Variants in KIF26B observed in about 807,000 individuals in gnomAD.
KIF26B encodes kinesin-like protein KIF26B.
In KIF26B, 63 loss-of-function variants were observed where a neutral mutation model predicts 151.2. That is an observed-to-expected ratio of 0.42 (90% CI 0.34 to 0.51). KIF26B has a LOEUF of 0.51. KIF26B is among the 20% of genes least tolerant of loss of function. KIF26B has a pLI of 0.07. For missense variants in KIF26B, 2,813 were observed against 2,913.6 expected (o/e 0.97, Z 0.79); for synonymous variants, 1,357 against 1,262.1 (o/e 1.08, Z -1.59).
chr1:245,420,054 G>A (rs1387282039), intron 4 of KIF26B, among the ~76,000 whole-genome samples: 1 of 152,142 alleles, frequency 6.6e-6, no homozygotes, highest in Non-Finnish European at 1.5e-5. Context: ...CCCCAGGGTC[G>A]AGAGTCGCTG....
At chr1:245,701,818 T>TCCTCCTCGTA (rs2044776132) in intron 14 of KIF26B, among the ~76,000 whole-genome samples, 1 of 152,110 alleles carries the variant, frequency 6.6e-6, no homozygotes, top group African/African-American at 2.4e-5. Flanking sequence ...TCCACGCCTC[T>TCCTCCTCGTA]CCTCCTCGTA....
At chr1:245,542,906 G>A (rs1256448124) in intron 5 of KIF26B, among the ~76,000 whole-genome samples, 1 of 152,146 alleles carries the variant, frequency 6.6e-6, no homozygotes, top group African/African-American at 2.4e-5. Context: ...TTCCCCTCCT[G>A]TACTCTAAGC....
chr1:245,601,176 C>T lies in KIF26B; in HGVS notation c.1351-1401C>T, dbSNP rs2043392115. Reference sequence around the variant, plus strand: ...AGGTAGAGTGCGTCCCACACTCGGGCTCCTTCTACTGGGACACTGGCTTCC... The same window carrying T: ...AGGTAGAGTGCGTCCCACACTCGGGTTCCTTCTACTGGGACACTGGCTTCC... On this transcript the variant is annotated intron_variant, in intron 5 of 14. Transcript: ENST00000407071. This position sits in a 1 kb window ranked among gnomAD's most constrained non-coding sequence, Gnocchi z 4.4. 1.3e-5 allele frequency among the ~76,000 whole-genome samples: 2 copies of T among 152,196 alleles called. No individual in the cohort carries two copies. The highest frequency in any genetic ancestry group is 1.3e-4 in the Admixed American group (2 of 15,282).
intron 10 of KIF26B, among the ~76,000 whole-genome samples, chr1:245,652,145 T>TGTGTGTGTGTGTGTGTGA: frequency 7.0e-6 from 1 of 142,658 alleles, no homozygotes; most frequent in African/African-American, 2.8e-5. Context: ...TGTGTGTGTG[T>TGTGTGTGTGTGTGTGTGA]GAGAGAGACA....
intron 4 of KIF26B, among the ~76,000 whole-genome samples, chr1:245,478,430 A>ATTTTTTT (rs3068344): frequency 3.9e-5 from 5 of 128,618 alleles, no homozygotes; most frequent in Non-Finnish European, 4.8e-5. Flanking sequence ...TCTGACTCGC[A>ATTTTTTT]TTTTTTTTTT....
At chr1:245,615,743 C>G (rs71636580) in intron 9 of KIF26B, among the ~76,000 whole-genome samples, 6,782 of 152,254 alleles carry the variant, frequency 0.045, 206 homozygotes, top group Middle Eastern at 0.12. Context: ...GTCCAGGGGT[C>G]GTGCGATCGG....
chr1:245,687,110 C>T lies in KIF26B; in HGVS notation c.4127C>T (p.Ala1376Val). 6.2e-7 allele frequency: 1 copy of T among 1,613,414 alleles called. No individual in the cohort carries two copies. The highest frequency in any genetic ancestry group is 8.5e-7 in the Non-Finnish European group (1 of 1,179,842). ...GCCATGGTCACCATCTCCAACACGG[C>T]CAATCTGAGCAGCTGCGAGGGGTAC... is the stretch of plus-strand genomic sequence containing the variant. ...SKAMVTISNT[A>V]NLSSCEGYIP... The change falls in exon 12 of 15, where the codon GCC becomes GTC. Residue 1376 changes from alanine (A) to valine (V), a missense_variant. By Grantham distance (64) the Ala-to-Val change is moderately conservative. Transcript: ENST00000407071. The surrounding 1 kb of genome is among the most constrained non-coding windows in gnomAD (Gnocchi z 4.9).
chr1:245,644,781 T>C (rs2043928871), intron 9 of KIF26B, among the ~76,000 whole-genome samples: 1 of 152,224 alleles, frequency 6.6e-6, no homozygotes, highest in Non-Finnish European at 1.5e-5. Context: ...AGTTAATTTC[T>C]GAGCCTTGAA....
At chr1:245,336,665 C>A (rs1177403592) in intron 2 of KIF26B, among the ~76,000 whole-genome samples, 1 of 152,202 alleles carries the variant, frequency 6.6e-6, no homozygotes, top group African/African-American at 2.4e-5. Flanking sequence ...TTAGTCATTT[C>A]CTGCTTTTTC....
intron 4 of KIF26B, among the ~76,000 whole-genome samples, chr1:245,476,375 C>G (rs1660037521): frequency 6.6e-6 from 1 of 151,770 alleles, no homozygotes; most frequent in Non-Finnish European, 1.5e-5. Flanking sequence ...TGAAAAATCA[C>G]TTAGCTGTAT....
intron 2 of KIF26B, among the ~76,000 whole-genome samples, chr1:245,207,536 G>A (rs934889150): frequency 6.6e-6 from 1 of 152,180 alleles, no homozygotes; most frequent in Non-Finnish European, 1.5e-5. Flanking sequence ...GAACTAAACA[G>A]CAATGGCATC....
At chr1:245,509,213 C>A (rs1326345417) in intron 4 of KIF26B, among the ~76,000 whole-genome samples, 1 of 152,088 alleles carries the variant, frequency 6.6e-6, no homozygotes, top group Non-Finnish European at 1.5e-5. Context: ...AAGAGAGAAA[C>A]CAGCCAATAA....
intron 2 of KIF26B, among the ~76,000 whole-genome samples, chr1:245,296,355 T>C (rs139820160): frequency 5.3e-5 from 8 of 152,140 alleles, no homozygotes; most frequent in African/African-American, 1.9e-4. Flanking sequence ...CACCCCTTAA[T>C]AAGACATTCT....
At chr1:245,425,142 C>T (rs1264546917) in intron 4 of KIF26B, among the ~76,000 whole-genome samples, 1 of 150,934 alleles carries the variant, frequency 6.6e-6, no homozygotes, top group Non-Finnish European at 1.5e-5. Flanking sequence ...TTCCCATTTG[C>T]TGACAGTTCA....
intron 5 of KIF26B, among the ~76,000 whole-genome samples, chr1:245,599,786 G>C (rs1445272609): frequency 6.6e-6 from 1 of 152,130 alleles, no homozygotes; most frequent in Non-Finnish European, 1.5e-5. Flanking sequence ...AGATCTGTAG[G>C]AATGAGTGGA....
Position 245,253,976 on chromosome 1 carries a change from A to AT in KIF26B, c.465+97300dup, listed in dbSNP as rs546030922. 3.9e-3 allele frequency among the ~76,000 whole-genome samples: 588 copies of AT among 151,336 alleles called. 3 individuals are homozygous for AT. The highest frequency in any genetic ancestry group is 0.014 in the African/African-American group (563 of 41,304). ...AGGCGCCCGCCACCACGCCCGGCTG[A>AT]TTTTTTTGTATTTTTAGTAGAGATG... On this transcript the variant is annotated intron_variant, in intron 2 of 14. Coordinates refer to ENST00000407071, the MANE Select transcript of KIF26B (RefSeq NM_018012.4).
At chr1:245,480,949 G>A (rs889376867) in intron 4 of KIF26B, among the ~76,000 whole-genome samples, 1 of 151,694 alleles carries the variant, frequency 6.6e-6, no homozygotes, top group East Asian at 1.9e-4. Flanking sequence ...AGATTAGTTG[G>A]TTGATTCAAA....
intron 5 of KIF26B, among the ~76,000 whole-genome samples, chr1:245,567,329 T>C (rs1009772129): frequency 1.3e-5 from 2 of 152,170 alleles, no homozygotes; most frequent in Non-Finnish European, 2.9e-5. Flanking sequence ...TTTCAGGAAA[T>C]GTTTCAAGCC....
chr1:245,635,097 T>TG (rs1026311430), intron 9 of KIF26B, among the ~76,000 whole-genome samples: 7 of 105,754 alleles, frequency 6.6e-5, no homozygotes, highest in East Asian at 3.8e-4. Context: ...CAGGTTTTTG[T>TG]GTTTTTTTTT....
Sources: gnomAD v4.1 joint callset for allele counts (sites outside exome capture counted in the v4.1 genomes callset) on GRCh38, gnomAD v4.1.1 for gene constraint, Gnocchi (gnomAD v3.1) non-coding constraint, MANE v1.5 for transcripts, NCBI Gene and HGNC (gene_info 2026-07-23, HGNC 2026-07-21) for gene names.